Variants in RASA3 observed in about 807,000 individuals in gnomAD.
The protein encoded by RASA3 is RAS p21 protein activator 3, also known as ras GTPase-activating protein 3.
RASA3 carries 73 observed loss-of-function variants against 110.0 expected under a neutral mutation model. The observed-to-expected ratio is 0.66, with a 90% confidence interval of 0.55 to 0.81. The LOEUF is 0.81. RASA3 is among the 30% of genes least tolerant of loss of function. The pLI, the probability that RASA3 is intolerant of heterozygous loss-of-function variation, is 0.00. For missense variants in RASA3, 976 were observed against 1,113.2 expected (o/e 0.88, Z 1.75); for synonymous variants, 500 against 451.4 (o/e 1.11, Z -1.37).
chr13:113,995,900 T>C (rs1217087548), intron 21 of RASA3, among the ~76,000 whole-genome samples: 1 of 14,814 alleles, frequency 6.8e-5, no homozygotes, highest in Non-Finnish European at 1.0e-4. Flanking sequence ...GCCCGGCTGA[T>C]GGGGGACCCG....
intron 2 of RASA3, among the ~76,000 whole-genome samples, chr13:114,052,433 C>G (rs938619195): frequency 6.6e-6 from 1 of 152,216 alleles, no homozygotes; most frequent in Non-Finnish European, 1.5e-5. Context: ...CGGCCACTGC[C>G]AGAATGACTT....
intron 2 of RASA3, among the ~76,000 whole-genome samples, chr13:114,059,396 C>T (rs530513181): frequency 2.0e-5 from 3 of 152,238 alleles, no homozygotes; most frequent in East Asian, 1.9e-4. Flanking sequence ...TGACAGACGT[C>T]GCTGAAGCCA....
Position 114,054,163 on chromosome 13 carries a change from AAGAC to A in RASA3, c.174-2012_174-2009del, listed in dbSNP as rs758671823. ...AAAAATTAAAAAAATAAAAAGTGAA[AAGAC>A]AGACTAGAAAAAATATTAGTAAGTC... is the stretch of plus-strand genomic sequence containing the variant. On this transcript the variant is annotated intron_variant, in intron 2 of 23. Transcript: ENST00000334062. 1.2e-4 allele frequency among the ~76,000 whole-genome samples: 19 copies of A among 152,206 alleles called. 1 individual carries two copies. The highest frequency in any genetic ancestry group is 2.5e-4 in the Non-Finnish European group (17 of 68,050).
chr13:113,981,855 G>C lies in RASA3; in HGVS notation c.2249C>G (p.Ala750Gly). 1.2e-6 allele frequency: 2 copies of C among 1,613,468 alleles called. No individual in the cohort carries two copies. Among genetic ancestry groups the C allele is most frequent in the Non-Finnish European group, 1.7e-6 (2 of 1,179,828 alleles). Reference sequence around the variant, plus strand: ...GTCATACACAGATTTGCTCCCACAGGCCTCTGTGGAGGGCGGAGGGGTCAG... The same window carrying C: ...GTCATACACAGATTTGCTCCCACAGCCCTCTGTGGAGGGCGGAGGGGTCAG... ...YMSKLEKMQEACGSKSVYDGP... is the reference protein window; with the variant it reads ...YMSKLEKMQEGCGSKSVYDGP... The change falls in exon 23 of 24, where the codon GCC becomes GGC. Residue 750 changes from alanine to glycine, a missense_variant. Coordinates refer to ENST00000334062, the MANE Select transcript of RASA3 (RefSeq NM_007368.4).
At chr13:114,093,521 T>C (rs976222741) in intron 1 of RASA3, among the ~76,000 whole-genome samples, 1 of 152,196 alleles carries the variant, frequency 6.6e-6, no homozygotes, top group African/African-American at 2.4e-5. Context: ...TTTTTGATTA[T>C]AGTATGTCTT....
chr13:114,036,784 G>T (rs1159270615), intron 4 of RASA3, among the ~76,000 whole-genome samples: 3 of 152,110 alleles, frequency 2.0e-5, no homozygotes, highest in Admixed American at 6.5e-5. Flanking sequence ...TGATCCACCC[G>T]CCTCGGCCTC....
intron 23 of RASA3, among the ~76,000 whole-genome samples, chr13:113,981,381 C>T (rs927009104): frequency 7.2e-5 from 11 of 152,220 alleles, no homozygotes; most frequent in African/African-American, 1.9e-4. Context: ...TGCCAGAGCA[C>T]GTGACACCAG....
At chr13:114,125,981 C>T (rs1284896382) in intron 1 of RASA3, among the ~76,000 whole-genome samples, 678 of 21,044 alleles carry the variant, frequency 0.032, 88 homozygotes, top group Middle Eastern at 0.22. Flanking sequence ...GCACCTGCTG[C>T]CCAACCTCGC....
At position 113,998,965 on chromosome 13, in the gene RASA3, C is replaced by T. The variant is rs116479441; in HGVS notation, c.1932+620G>A. ...GGCTGCTGTGGTTTTGGGGACTGCA[C>T]GGTGGGAAACACACTTGGAAGTGTT... is the stretch of plus-strand genomic sequence containing the variant. On this transcript the variant is annotated intron_variant, in intron 20 of 23. Coordinates refer to ENST00000334062, the MANE Select transcript of RASA3 (RefSeq NM_007368.4). 5.5e-3 allele frequency among the ~76,000 whole-genome samples: 831 copies of T among 152,290 alleles called. 8 individuals carry two copies. Among genetic ancestry groups the T allele is most frequent in the African/African-American group, 0.018 (765 of 41,564 alleles).
At chr13:114,081,866 G>A (rs905413197) in intron 1 of RASA3, among the ~76,000 whole-genome samples, 2 of 152,188 alleles carry the variant, frequency 1.3e-5, no homozygotes, top group African/African-American at 4.8e-5. Context: ...TGTTCCTAGC[G>A]CAGCAGAGCC....
intron 2 of RASA3, among the ~76,000 whole-genome samples, chr13:114,071,255 T>C (rs2079568626): frequency 6.6e-6 from 1 of 152,186 alleles, no homozygotes. Context: ...AGTGCTGGGA[T>C]TACAGGTGTG....
Position 114,014,361 on chromosome 13 carries a change from C to A in RASA3, c.1405+848G>T, listed in dbSNP as rs986209741. Reference sequence around the variant, plus strand: ...CCCCCAGAACCCTGGGCCCCTCGGCCGGCGCTGTCTGACTGTCTGATGTCC... The same window carrying A: ...CCCCCAGAACCCTGGGCCCCTCGGCAGGCGCTGTCTGACTGTCTGATGTCC... On this transcript the variant is annotated intron_variant, in intron 14 of 23. Transcript: ENST00000334062. This position sits in a 1 kb window ranked among gnomAD's most constrained non-coding sequence, Gnocchi z 4.5. Among the ~76,000 whole-genome samples the A allele has an allele frequency of 5.3e-4, 80 of 152,104 alleles. 1 individual carries two copies. The highest frequency in any genetic ancestry group is 9.7e-4 in the Non-Finnish European group (66 of 68,006).
intron 7 of RASA3, among the ~76,000 whole-genome samples, chr13:114,026,023 G>A (rs753032161): frequency 2.0e-4 from 31 of 152,324 alleles, no homozygotes; most frequent in Middle Eastern, 3.4e-3. Flanking sequence ...AGCGAGGTCC[G>A]GGCCTTCCCT....
Position 114,041,043 on chromosome 13 carries a change from G to A in RASA3, c.329C>T (p.Thr110Ile). 2 of 1,613,828 alleles carry A rather than the reference G, an allele frequency of 1.2e-6. No individual in the cohort carries two copies. The highest frequency in any genetic ancestry group is 2.2e-5 in the South Asian group (2 of 91,090). Reference sequence around the variant, plus strand: ...GTCCACGTGCTGCAGCTGGAACCAGGTGTCCCTGTTGTGGTACTTCTGCAA... The same window carrying A: ...GTCCACGTGCTGCAGCTGGAACCAGATGTCCCTGTTGTGGTACTTCTGCAA... ...EDLQKYHNRD[T>I]WFQLQHVDAD... The change falls in exon 4 of 24, where the codon ACC becomes ATC. Residue 110 changes from threonine to isoleucine, a missense_variant. Physicochemically the swap from Thr to Ile is moderately conservative, Grantham distance 89. Around this residue, in one of 4 missense-constraint regions of RASA3, gnomAD observed 732 missense variants for 779.7 expected, o/e 0.94. Transcript: ENST00000334062.
intron 21 of RASA3, among the ~76,000 whole-genome samples, chr13:113,993,332 C>T (rs1033111402): frequency 1.3e-5 from 2 of 151,946 alleles, no homozygotes; most frequent in East Asian, 2.0e-4. Flanking sequence ...CACACCACCA[C>T]GCCTGGCTAA....
At chr13:113,998,452 G>C (rs1302830394) in intron 20 of RASA3, among the ~76,000 whole-genome samples, 1 of 152,268 alleles carries the variant, frequency 6.6e-6, no homozygotes, top group Non-Finnish European at 1.5e-5. Flanking sequence ...CCCAGGGACT[G>C]TGCCTTCCCT....
At chr13:113,993,442 C>T (rs1390213066) in intron 21 of RASA3, among the ~76,000 whole-genome samples, 2 of 151,930 alleles carry the variant, frequency 1.3e-5, no homozygotes, top group African/African-American at 4.8e-5. Flanking sequence ...TCCCAAAGTG[C>T]TAGGATTACA....
chr13:113,999,415 G>A (rs562205301), intron 20 of RASA3, among the ~76,000 whole-genome samples, 170 bp downstream of exon 20: 5 of 152,064 alleles, frequency 3.3e-5, no homozygotes, highest in South Asian at 2.1e-4. Flanking sequence ...GCGAGATTCC[G>A]ACACAAACTC....
At position 114,011,180 on chromosome 13, in the gene RASA3, C is replaced by T. The variant is rs1459717839; in HGVS notation, c.1581G>A (p.Lys527=). 1.9e-6 allele frequency: 3 copies of T among 1,611,572 alleles called. No individual in the cohort carries two copies. The highest frequency in any genetic ancestry group is 2.5e-6 in the Non-Finnish European group (3 of 1,178,478). ...AAGAAGAGGGACTCACAGATTTGGA[C>T]TTGGACAGGCTGCCGAGGGTCTGAA... is the stretch of plus-strand genomic sequence containing the variant. ...KTVQTLGSLS[K]SKSASFKESY... The change falls in exon 16 of 24, where the codon AAG becomes AAA. Residue 527 remains lysine, a synonymous_variant. Coordinates refer to ENST00000334062, the MANE Select transcript of RASA3 (RefSeq NM_007368.4). The surrounding 1 kb of genome is among the most constrained non-coding windows in gnomAD (Gnocchi z 4.8).
Sources: allele counts gnomAD v4.1 joint callset (sites outside exome capture counted in the v4.1 genomes callset), GRCh38; gene constraint gnomAD v4.1.1; regional missense constraint gnomAD v4.1.1; non-coding constraint Gnocchi (gnomAD v3.1); transcripts MANE v1.5; gene names NCBI Gene and HGNC (gene_info 2026-07-23, HGNC 2026-07-21).